The following ABR variants were observed in gnomAD, a reference collection of about 807,000 sequenced individuals.
ABR encodes the protein ABR activator of RhoGEF and GTPase, also known as active breakpoint cluster region-related protein.
ABR carries 35 observed loss-of-function variants against 107.2 expected under a neutral mutation model. The observed-to-expected ratio is 0.33, with a 90% CI of 0.25 to 0.43. The LOEUF (loss-of-function observed/expected upper bound fraction) is 0.43. Ranked by LOEUF, ABR falls within the 20% of genes least tolerant of loss-of-function variation. ABR has a pLI of 1.00. For synonymous variants in ABR, 498 were observed against 462.0 expected, an observed-to-expected ratio of 1.08 and a Z score of -1.00; for missense variants, 815 against 1,115.2, an observed-to-expected ratio of 0.73 and a Z score of 3.83.
At chr17:1,058,160 A>C in intron 11 of ABR, 115 bp from the exon 12 acceptor site, 1 of 465,268 alleles carries the variant, frequency 2.1e-6, no homozygotes, top group Non-Finnish European at 3.5e-6. Context: ...TTTTTTTGAG[A>C]CAGAGTCTCG....
At chr17:1,007,419 G>A (rs1351729525) in intron 21 of ABR, 107 bp from the exon 22 acceptor site, 2 of 1,353,582 alleles carry the variant, frequency 1.5e-6, no homozygotes, top group Non-Finnish European at 2.0e-6. Flanking sequence ...TCCTGGAAGG[G>A]GTCACCTCGT....
intron 16 of ABR, among the ~76,000 whole-genome samples, chr17:1,032,312 C>T (rs919010243): frequency 7.2e-5 from 11 of 152,168 alleles, no homozygotes; most frequent in African/African-American, 1.9e-4. Flanking sequence ...CCCGGCCAGA[C>T]CCTTGTGGAC....
intron 10 of ABR, among the ~76,000 whole-genome samples, chr17:1,065,721 T>G (rs1159985306): frequency 1.3e-5 from 2 of 151,258 alleles, no homozygotes; most frequent in East Asian, 1.9e-4. Context: ...ACCTTGTCAG[T>G]TTGAACTTTC....
At chr17:1,033,450 G>T (rs1198608021) in intron 16 of ABR, among the ~76,000 whole-genome samples, 1 of 152,190 alleles carries the variant, frequency 6.6e-6, no homozygotes, top group Non-Finnish European at 1.5e-5. Flanking sequence ...CCAAGGCCAG[G>T]ACAAGCTGGA....
In ABR at chr17:1,179,033, ATGATGAGGGTGGGGGTGG is replaced by A. The variant is rs1426696716; in HGVS notation, c.61+616_61+633del. 2.7e-5 allele frequency among the ~76,000 whole-genome samples: 4 copies of A among 149,988 alleles called. No individual in the cohort carries two copies. Among genetic ancestry groups the A allele is most frequent in the Admixed American group, 2.6e-4 (4 of 15,098 alleles). ...TTTTTTTCTTCTGAGGGTGGTGGTG[ATGATGAGGGTGGGGGTGG>A]TGATGAGGCTGGCAGGAAAGATTGC... On this transcript the variant is annotated intron_variant, in intron 1 of 22. Coordinates refer to ENST00000302538, the MANE Select transcript of ABR (RefSeq NM_021962.5). This position sits in a 1 kb window ranked among gnomAD's most constrained non-coding sequence, Gnocchi z 4.9.
chr17:1,079,206 C>T, intron 6 of ABR, 124 bp downstream of exon 6: 1 of 1,497,910 alleles, frequency 6.7e-7, no homozygotes, highest in Non-Finnish European at 8.9e-7. Context: ...CTCACACACG[C>T]TCACGCTCAC....
rs1222259944 is a variant in ABR at position 1,146,814 on chromosome 17, CCACCACTGCCACACGA to C, written c.62-21463_62-21448del. On this transcript the variant is annotated intron_variant, in intron 1 of 22. Transcript: ENST00000302538. ...CCACCATGCCACCACTGCCACCAGGCCACCACTGCCACACGACACCACTGCCACCAGGCCACCACTG... is the reference window on the plus strand; with the variant it reads ...CCACCATGCCACCACTGCCACCAGGCCACCACTGCCACCAGGCCACCACTG... Among the ~76,000 whole-genome samples the C allele has an allele frequency of 2.7e-3, 399 of 147,952 alleles. 1 individual carries two copies. Among genetic ancestry groups the C allele is most frequent in the Admixed American group, 5.7e-3 (84 of 14,690 alleles).
chr17:1,029,051 T>C (rs1597440808), intron 16 of ABR, among the ~76,000 whole-genome samples: 2 of 137,898 alleles, frequency 1.5e-5, no homozygotes, highest in African/African-American at 5.6e-5. Context: ...GAGGGAAGGA[T>C]GGGAGGGAGA....
At chr17:1,021,688 C>T (rs1184696576) in intron 16 of ABR, among the ~76,000 whole-genome samples, 1 of 151,904 alleles carries the variant, frequency 6.6e-6, no homozygotes, top group East Asian at 1.9e-4. Flanking sequence ...CCTGTAATCC[C>T]AGCTACTGGG....
intron 2 of ABR, among the ~76,000 whole-genome samples, chr17:1,117,131 C>G (rs1336022192): frequency 3.1e-5 from 3 of 96,414 alleles, no homozygotes; most frequent in South Asian, 4.3e-4. Context: ...CAGCGTTATC[C>G]CTGAGCCTGA....
chr17:1,059,242 C>A (rs1235442530), intron 10 of ABR, among the ~76,000 whole-genome samples: 1 of 152,138 alleles, frequency 6.6e-6, no homozygotes, highest in Non-Finnish European at 1.5e-5. Context: ...CCAGGGCTGC[C>A]GACATAACGG....
intron 2 of ABR, among the ~76,000 whole-genome samples, chr17:1,113,107 C>T (rs1222308577): frequency 6.6e-6 from 1 of 152,006 alleles, no homozygotes; most frequent in Non-Finnish European, 1.5e-5. Context: ...CAGGGAACCC[C>T]GTGCCTACCC....
At chr17:1,165,274 G>A (rs1012614459) in intron 1 of ABR, among the ~76,000 whole-genome samples, 1 of 152,232 alleles carries the variant, frequency 6.6e-6, no homozygotes, top group Admixed American at 6.5e-5. Flanking sequence ...CCTGTGACCC[G>A]GAGGAGCCAT....
intron 1 of ABR, among the ~76,000 whole-genome samples, chr17:1,163,279 G>A (rs907607773): frequency 4.6e-5 from 7 of 152,152 alleles, no homozygotes; most frequent in South Asian, 4.1e-4. Context: ...TGCATCAATC[G>A]CATCGTGATT....
chr17:1,194,992 T>C lies in ABR; in HGVS notation c.838+33801A>G, dbSNP rs1445739052. 3.4e-5 allele frequency among the ~76,000 whole-genome samples: 5 copies of C among 148,276 alleles called. No individual in the cohort carries two copies. The East Asian group carries it at 8.8e-4, about 26-fold the overall frequency. Reference sequence around the variant, plus strand: ...ATTTTGTACAGACAGAACCTCACTATGTTGCCCAGGCTGCTCTTGAAGTCC... The same window carrying C: ...ATTTTGTACAGACAGAACCTCACTACGTTGCCCAGGCTGCTCTTGAAGTCC... On this transcript the variant is annotated intron_variant, in intron 1 of 22. Transcript: ENST00000574139.
rs2041075472 is a variant in ABR, at chr17:1,157,144, C to G, written c.61+22523G>C. Among the ~76,000 whole-genome samples, 1 of 152,140 alleles carries G rather than the reference C, an allele frequency of 6.6e-6. No homozygotes were observed. Among genetic ancestry groups the G allele is most frequent in the African/African-American group, 2.4e-5 (1 of 41,440 alleles). On this transcript the variant is annotated intron_variant, in intron 1 of 22. Transcript: ENST00000302538. This position sits in a 1 kb window ranked among gnomAD's most constrained non-coding sequence, Gnocchi z 4.7. ...AGCTCAGATAGGTCAGATGACTGGC[C>G]CAAGGTCACACAGCTGCTGAGTGGC...
At position 1,012,635 on chromosome 17, in the gene ABR, G is replaced by A. The variant is rs992852635; in HGVS notation, c.1961+53C>T. ...GGGGAGGGCTGGGGGGCCCGGGCTG[G>A]GGGGGACCCGGGGCACCGACGCCAG... On this transcript the variant is annotated intron_variant, in intron 18 of 22. Coordinates refer to ENST00000302538, the MANE Select transcript of ABR (RefSeq NM_021962.5). 15 of 1,385,352 alleles carry A rather than the reference G, an allele frequency of 1.1e-5. No individual in the cohort carries two copies. The South Asian group carries it at 1.9e-4, about 17-fold the overall frequency. 85.8% of individuals were successfully genotyped at this position (1,385,352 alleles called of 1,614,324 possible). A position where few individuals can be genotyped will look rare whatever the true frequency, so the allele number is the denominator to read the frequency against.
intron 1 of ABR, among the ~76,000 whole-genome samples, chr17:1,149,628 G>A (rs2040714030): frequency 6.6e-6 from 1 of 152,088 alleles, no homozygotes; most frequent in South Asian, 2.1e-4. Context: ...ATGTTGGCCA[G>A]CTGGTCTCGA....
At chr17:1,031,558 CGA>C in intron 16 of ABR, 1 of 1,037,882 alleles carries the variant, frequency 9.6e-7, no homozygotes, top group Non-Finnish European at 1.2e-6. Context: ...GCAGCGCCCC[CGA>C]GCCCCCACCC....
Sources: allele counts gnomAD v4.1 joint callset (sites outside exome capture counted in the v4.1 genomes callset), GRCh38; gene constraint gnomAD v4.1.1; non-coding constraint Gnocchi (gnomAD v3.1); transcripts MANE v1.5; gene names NCBI Gene and HGNC (gene_info 2026-07-23, HGNC 2026-07-21).